The following CSMD1 variants were observed in gnomAD, a reference collection of about 807,000 sequenced individuals.
CSMD1 encodes CUB and Sushi multiple domains 1, also known as CUB and sushi domain-containing protein 1.
CSMD1 carries 213 observed loss-of-function variants against 417.5 expected under a neutral mutation model. The ratio of observed to expected loss-of-function variants is 0.51; its 90% CI spans 0.46 to 0.57. The LOEUF is 0.57. CSMD1 is among the 20% of genes least tolerant of loss of function. CSMD1 has a pLI of 0.00. For synonymous variants in CSMD1, 2,862 were observed against 1,736.8 expected (o/e 1.65, Z -16.11); for missense variants, 6,923 against 4,529.7 (o/e 1.53, Z -15.17).
At chr8:4,694,227 T>C (rs1401016297) in intron 1 of CSMD1, among the ~76,000 whole-genome samples, 1 of 152,226 alleles carries the variant, frequency 6.6e-6, no homozygotes, top group Non-Finnish European at 1.5e-5. Flanking sequence ...TTGAAAAGAC[T>C]AATCAGAAAC....
intron 1 of CSMD1, among the ~76,000 whole-genome samples, chr8:4,802,594 C>T (rs567177016): frequency 6.6e-6 from 1 of 152,070 alleles, no homozygotes; most frequent in Non-Finnish European, 1.5e-5. Context: ...TTTTTTCTTA[C>T]ACTTAATTCA....
intron 3 of CSMD1, among the ~76,000 whole-genome samples, chr8:4,175,726 G>T (rs6992477): frequency 6.6e-6 from 1 of 152,094 alleles, no homozygotes; most frequent in East Asian, 1.9e-4. Flanking sequence ...CCAAGAGAAT[G>T]TTGCCTAGAA....
chr8:3,497,823 T>G (rs1421403465), intron 10 of CSMD1, among the ~76,000 whole-genome samples: 1 of 152,224 alleles, frequency 6.6e-6, no homozygotes, highest in Non-Finnish European at 1.5e-5. Context: ...GTTATTTTTG[T>G]GGTTTGGTGG....
intron 5 of CSMD1, among the ~76,000 whole-genome samples, chr8:3,888,537 G>C (rs1806723599): frequency 6.6e-6 from 1 of 152,144 alleles, no homozygotes. Context: ...ATCTGACCTT[G>C]TCATGCCTCT....
intron 2 of CSMD1, among the ~76,000 whole-genome samples, chr8:4,623,756 ATATAATT>A (rs1801921664): frequency 6.6e-6 from 1 of 152,166 alleles, no homozygotes; most frequent in Admixed American, 6.5e-5. Context: ...TATATATTTC[ATATAATT>A]TGGCATATAT....
intron 1 of CSMD1, among the ~76,000 whole-genome samples, chr8:4,961,006 A>G (rs1305075085): frequency 6.6e-6 from 1 of 152,078 alleles, no homozygotes; most frequent in Non-Finnish European, 1.5e-5. Context: ...ATAGATGAGC[A>G]TTTTACTCTC....
intron 49 of CSMD1, among the ~76,000 whole-genome samples, chr8:3,053,441 TC>T (rs913193215): frequency 2.6e-5 from 4 of 152,060 alleles, no homozygotes; most frequent in African/African-American, 7.2e-5. Flanking sequence ...TTTTTATTGT[TC>T]CTCTCCCCTT....
intron 3 of CSMD1, among the ~76,000 whole-genome samples, chr8:4,369,714 T>C (rs1008840709): frequency 2.6e-5 from 4 of 152,198 alleles, no homozygotes. Flanking sequence ...TTTTTTATTG[T>C]TGTTGGTTTA....
chr8:3,361,391 G>A (rs1010613004), intron 20 of CSMD1, among the ~76,000 whole-genome samples: 12 of 152,084 alleles, frequency 7.9e-5, no homozygotes, highest in African/African-American at 2.9e-4. Context: ...CACTTTGGGA[G>A]GCAGAGGCGG....
chr8:3,237,217 T>C (rs916267853), intron 26 of CSMD1, among the ~76,000 whole-genome samples: 5 of 151,514 alleles, frequency 3.3e-5, no homozygotes, highest in Non-Finnish European at 5.9e-5. Context: ...CCTGCAATCC[T>C]AGCACTTTGG....
intron 17 of CSMD1, among the ~76,000 whole-genome samples, chr8:3,391,501 C>G (rs973124461): frequency 6.6e-6 from 1 of 152,118 alleles, no homozygotes; most frequent in Admixed American, 6.5e-5. Context: ...AGAATGCAAT[C>G]GCTATTATAT....
intron 1 of CSMD1, among the ~76,000 whole-genome samples, chr8:4,786,849 T>C (rs753419843): frequency 4.6e-5 from 7 of 152,202 alleles, no homozygotes; most frequent in Non-Finnish European, 8.8e-5. Flanking sequence ...CTATGAATGA[T>C]ACTTCCAAGA....
chr8:3,637,795 C>T (rs1434867123), intron 7 of CSMD1, among the ~76,000 whole-genome samples: 1 of 152,104 alleles, frequency 6.6e-6, no homozygotes, highest in Non-Finnish European at 1.5e-5. Context: ...TTGGGAGGGA[C>T]CCAGTGGGAA....
At chr8:3,598,837 C>G (rs1801217454) in intron 8 of CSMD1, among the ~76,000 whole-genome samples, 1 of 152,084 alleles carries the variant, frequency 6.6e-6, no homozygotes, top group Non-Finnish European at 1.5e-5. Context: ...AATCCCAGCA[C>G]TTTGGGAGGC....
chr8:4,858,498 T>C (rs922938090), intron 1 of CSMD1, among the ~76,000 whole-genome samples: 10 of 151,558 alleles, frequency 6.6e-5, no homozygotes, highest in African/African-American at 9.7e-5. Flanking sequence ...GACGACATGA[T>C]TGTATATCCA....
intron 5 of CSMD1, among the ~76,000 whole-genome samples, chr8:3,819,549 C>CAT (rs1801599629): frequency 1.7e-4 from 12 of 71,808 alleles, no homozygotes; most frequent in Admixed American, 8.6e-4. Flanking sequence ...CACACACACA[C>CAT]ACACACACAC....
intron 3 of CSMD1, among the ~76,000 whole-genome samples, chr8:4,361,228 T>A (rs933560661): frequency 1.3e-5 from 2 of 152,098 alleles, no homozygotes; most frequent in Non-Finnish European, 2.9e-5. Flanking sequence ...AATACCTAAG[T>A]TACTCAAAAA....
chr8:3,711,473 C>T (rs902977596), intron 6 of CSMD1, among the ~76,000 whole-genome samples: 16 of 152,156 alleles, frequency 1.1e-4, no homozygotes, highest in Admixed American at 2.6e-4. Context: ...AACCAAAGGG[C>T]GCTGGTTCAT....
chr8:4,205,492 C>T (rs962452235), intron 3 of CSMD1, among the ~76,000 whole-genome samples: 6 of 152,186 alleles, frequency 3.9e-5, no homozygotes, highest in Non-Finnish European at 1.5e-5. Flanking sequence ...ACAAACAAGC[C>T]ACTCGAGGTA....
Sources: gnomAD v4.1 joint callset for allele counts (sites outside exome capture counted in the v4.1 genomes callset) on GRCh38, gnomAD v4.1.1 for gene constraint, MANE v1.5 for transcripts, NCBI Gene and HGNC (gene_info 2026-07-23, HGNC 2026-07-21) for gene names.